The following TTC39B variants were observed in gnomAD, a reference collection of about 807,000 sequenced individuals.
TTC39B encodes the protein tetratricopeptide repeat protein 39B.
Under a neutral mutation model 96.6 loss-of-function variants are expected in TTC39B, and 92 were observed. The ratio of observed to expected loss-of-function variants is 0.95; its 90% CI spans 0.80 to 1.13. TTC39B has a LOEUF of 1.13. TTC39B is among the 50% of genes most tolerant of loss of function. The probability of loss-of-function intolerance (pLI) is 0.00; values close to 1 mark genes in which losing one functional copy is unlikely to be tolerated. For synonymous variants in TTC39B, 367 were observed against 299.4 expected (o/e 1.23, Z -2.33); for missense variants, 955 against 809.3 (o/e 1.18, Z -2.18).
At chr9:15,203,773 C>G (rs1041359082) in intron 7 of TTC39B, 50 bp downstream of exon 7, 6 of 1,486,372 alleles carry the variant, frequency 4.0e-6, no homozygotes, top group Non-Finnish European at 5.6e-6. Context: ...TTCTATGCAG[C>G]ACTGGCAGTC....
chr9:15,190,745 AG>A (rs139049926), intron 10 of TTC39B, 83 bp from the exon 11 acceptor site: 2 of 1,113,034 alleles, frequency 1.8e-6, no homozygotes, highest in Non-Finnish European at 2.7e-6. Context: ...TTTATATATT[AG>A]GGGGGTTACA....
In TTC39B at chr9:15,187,960, T is replaced by C. The variant is rs1233880496; in HGVS notation, c.1395+11A>G. The C allele has an allele frequency of 1.3e-6, 2 of 1,561,170 alleles. No homozygotes were observed. Among genetic ancestry groups the C allele is most frequent in the Non-Finnish European group, 1.7e-6 (2 of 1,156,396 alleles). On this transcript the variant is annotated intron_variant, in intron 14 of 19. Coordinates refer to ENST00000512701, the Ensembl canonical transcript of TTC39B. ...CAAACAGATGACATTAATGAAAGTA[T>C]TGCACTTTACCTTGGACCATTTACT...
intron 3 of TTC39B, among the ~76,000 whole-genome samples, chr9:15,218,443 A>G (rs1397110839): frequency 6.6e-6 from 1 of 152,048 alleles, no homozygotes; most frequent in African/African-American, 2.4e-5. Flanking sequence ...TTCAAGCCCT[A>G]TGCAAGTTAA....
chr9:15,186,791 G>A (rs10738390), intron 15 of TTC39B, 153 bp downstream of exon 15: 228,119 of 673,534 alleles, frequency 0.34, 42,748 homozygotes, highest in East Asian at 0.64. Context: ...CACCTCCCAG[G>A]CTTAAGCAAT....
intron 2 of TTC39B, among the ~76,000 whole-genome samples, chr9:15,241,926 A>G (rs1463167036): frequency 6.6e-6 from 1 of 151,952 alleles, no homozygotes; most frequent in Non-Finnish European, 1.5e-5. Context: ...TTGTATTTTT[A>G]GTAGAAACGG....
In TTC39B at chr9:15,195,399, G is replaced by A. The variant is rs777789061; in HGVS notation, c.825-2704C>T. ...ATAACAAAAAAGTGCAGCCGGGCAC[G>A]GTGGCTCACACCTGTAATCTTAGCA... On this transcript the variant is annotated intron_variant, in intron 8 of 19. Coordinates refer to ENST00000512701, the Ensembl canonical transcript of TTC39B. Among the ~76,000 whole-genome samples the A allele has an allele frequency of 1.1e-4, 17 of 152,148 alleles. No homozygotes were observed. In the East Asian group the frequency reaches 1.4e-3, roughly 12 times the overall value.
chr9:15,195,092 T>C (rs1041053316), intron 8 of TTC39B, among the ~76,000 whole-genome samples: 1 of 152,200 alleles, frequency 6.6e-6, no homozygotes, highest in Non-Finnish European at 1.5e-5. Flanking sequence ...TTAGTCAACT[T>C]GTAAGTGCAA....
chr9:15,270,548 G>A (rs778902332), intron 1 of TTC39B, among the ~76,000 whole-genome samples: 12 of 150,880 alleles, frequency 8.0e-5, no homozygotes, highest in Non-Finnish European at 1.8e-4. Flanking sequence ...CCAACCCTCC[G>A]TGTAAAGAAG....
chr9:15,243,111 G>T (rs1822117817), intron 2 of TTC39B, among the ~76,000 whole-genome samples: 1 of 152,154 alleles, frequency 6.6e-6, no homozygotes, highest in Non-Finnish European at 1.5e-5. Context: ...CCCCAGACAG[G>T]GGCCATCTGT....
chr9:15,218,435 C>G (rs1295077800), intron 3 of TTC39B, among the ~76,000 whole-genome samples: 1 of 152,024 alleles, frequency 6.6e-6, no homozygotes, highest in African/African-American at 2.4e-5. Context: ...TGTGAACTTT[C>G]AAGCCCTATG....
chr9:15,191,385 A>G, intron 9 of TTC39B, 130 bp from the exon 10 acceptor site: 1 of 617,698 alleles, frequency 1.6e-6, no homozygotes, highest in Non-Finnish European at 2.8e-6. Flanking sequence ...ACCACCAGAT[A>G]TTTCTGTTAC....
intron 1 of TTC39B, among the ~76,000 whole-genome samples, chr9:15,290,160 G>C (rs552241474): frequency 2.0e-5 from 3 of 152,168 alleles, no homozygotes; most frequent in South Asian, 4.1e-4. Flanking sequence ...AAAATGGTTA[G>C]AGAAATCCTT....
chr9:15,249,102 G>A (rs1723683256), intron 2 of TTC39B: 2 of 152,266 alleles, frequency 1.3e-5, no homozygotes, highest in South Asian at 2.1e-4. Flanking sequence ...GGGTTATGGT[G>A]AGAATCAAAA....
At position 15,257,208 on chromosome 9, in the gene TTC39B, A is replaced by G. The variant is rs142647182; in HGVS notation, c.275+10706T>C. ...GCTCTATATCAATGTTAATTTCCTG[A>G]TCTTGGTATCTGAATGGTAATTATG... is the stretch of plus-strand genomic sequence containing the variant. On this transcript the variant is annotated intron_variant, in intron 2 of 19. Transcript: ENST00000512701. 4.1e-3 allele frequency among the ~76,000 whole-genome samples: 629 copies of G among 152,296 alleles called. 1 individual carries two copies. The highest frequency in any genetic ancestry group is 0.014 in the African/African-American group (602 of 41,564).
At chr9:15,256,385 T>TA (rs1329027119) in intron 2 of TTC39B, among the ~76,000 whole-genome samples, 1 of 152,344 alleles carries the variant, frequency 6.6e-6, no homozygotes, top group East Asian at 1.9e-4. Context: ...TGGATTTTGT[T>TA]ACGGCAGCCC....
intron 1 of TTC39B, among the ~76,000 whole-genome samples, chr9:15,289,016 C>A (rs886276660): frequency 6.6e-6 from 1 of 152,224 alleles, no homozygotes; most frequent in Non-Finnish European, 1.5e-5. Flanking sequence ...TAATTACACG[C>A]TTTTAAAGTA....
intron 1 of TTC39B, among the ~76,000 whole-genome samples, chr9:15,275,823 G>A (rs1255387873): frequency 6.6e-6 from 1 of 152,026 alleles, no homozygotes; most frequent in African/African-American, 2.4e-5. Flanking sequence ...GAGGAGAAAC[G>A]GAAACATAGT....
At chr9:15,241,063 C>G (rs900800311) in intron 2 of TTC39B, among the ~76,000 whole-genome samples, 1 of 152,162 alleles carries the variant, frequency 6.6e-6, no homozygotes, top group African/African-American at 2.4e-5. Flanking sequence ...TTCTCTAATA[C>G]CAGCCGTGTT....
intron 17 of TTC39B, among the ~76,000 whole-genome samples, chr9:15,178,419 T>A (rs543080994): frequency 2.5e-4 from 38 of 151,768 alleles, no homozygotes; most frequent in East Asian, 1.2e-3. Flanking sequence ...CAAAAAAAAA[T>A]TTTTTTAATT....
Sources: allele counts gnomAD v4.1 joint callset (sites outside exome capture counted in the v4.1 genomes callset), GRCh38; gene constraint gnomAD v4.1.1; transcripts MANE v1.5; gene names NCBI Gene and HGNC (gene_info 2026-07-23, HGNC 2026-07-21).